Variants in BEND5 observed in about 807,000 individuals in gnomAD.
BEND5 encodes BEN domain-containing protein 5.
BEND5 carries 22 observed loss-of-function variants against 43.9 expected under a neutral mutation model. The ratio of observed to expected loss-of-function variants is 0.50; its 90% CI spans 0.36 to 0.72. The LOEUF (loss-of-function observed/expected upper bound fraction) is 0.72, where lower values mean the gene tolerates loss of function less well. Among genes scored for constraint, BEND5 ranks in the 30% least tolerant of loss-of-function variants. The pLI, the probability that BEND5 is intolerant of heterozygous loss-of-function variation, is 0.00. For missense variants in BEND5, 428 were observed against 550.6 expected (o/e 0.78, Z 2.23); for synonymous variants, 228 against 225.9 (o/e 1.01, Z -0.08).
At chr1:48,731,657 C>T (rs981230521) in intron 5 of BEND5, among the ~76,000 whole-genome samples, 2 of 152,178 alleles carry the variant, frequency 1.3e-5, no homozygotes, top group Admixed American at 6.5e-5. Flanking sequence ...GTGTTCCAGG[C>T]ATCCGGAAAA....
At chr1:48,774,846 A>G (rs1425641675) in intron 1 of BEND5, among the ~76,000 whole-genome samples, 1 of 152,220 alleles carries the variant, frequency 6.6e-6, no homozygotes, top group Non-Finnish European at 1.5e-5. Context: ...AACAATCTCC[A>G]AGAGAGGAAA....
intron 5 of BEND5, among the ~76,000 whole-genome samples, chr1:48,730,429 CTAA>C (rs1329187977): frequency 1.3e-5 from 2 of 152,186 alleles, no homozygotes; most frequent in Admixed American, 1.3e-4. Flanking sequence ...ACCAGAGAAT[CTAA>C]GAAGATTCCC....
intron 5 of BEND5, among the ~76,000 whole-genome samples, chr1:48,730,129 G>A (rs933249786): frequency 5.3e-5 from 8 of 152,060 alleles, no homozygotes; most frequent in Non-Finnish European, 7.4e-5. Flanking sequence ...CACCTGTCTC[G>A]GTTTTTCTCT....
rs4926530 is a variant in BEND5, at chr1:48,736,568, T to C, written c.895-116A>G. On this transcript the variant is annotated intron_variant, in intron 4 of 5. Coordinates refer to ENST00000371833, the MANE Select transcript of BEND5 (RefSeq NM_024603.4). The surrounding 1 kb of genome is among the most constrained non-coding windows in gnomAD (Gnocchi z 4.0). The stretch of plus-strand genomic sequence containing the variant: ...CTGTAAGAGATTCATGTCATAAATA[T>C]GAAATTAACTCTCTTTAAGGGTAAT... 627,683 of 868,642 alleles carry C rather than the reference T, an allele frequency of 0.72. 232,493 individuals are homozygous for C. The highest frequency in any genetic ancestry group is 0.78 in the Middle Eastern group (2,257 of 2,880). The allele number at this position is 868,642 out of a possible 1,614,324, so 53.8% of individuals were successfully genotyped here.
At position 48,758,961 on chromosome 1, in the gene BEND5, C is replaced by A; in HGVS notation, c.684G>T (p.Met228Ile). 6.2e-7 allele frequency: 1 copy of A among 1,603,778 alleles called. No individual in the cohort carries two copies. The highest frequency in any genetic ancestry group is 8.5e-7 in the Non-Finnish European group (1 of 1,175,626). ...TCCGGTTAAGGTCACGGAGCTCCTTCATTTCAGACACAAGTGCCCCGTACT... is the reference window on the plus strand; with the variant it reads ...TCCGGTTAAGGTCACGGAGCTCCTTAATTTCAGACACAAGTGCCCCGTACT... ...LKEYGALVSE[M>I]KELRDLNRRL... is the part of the protein sequence containing the mutation. Residue 228 changes from methionine (M) to isoleucine (I), a missense_variant, in exon 3 of 6, where the codon ATG becomes ATT. Physicochemically the swap from Met to Ile is conservative, Grantham distance 10 (BLOSUM62 1). This residue lies in a region of BEND5 where 243 missense variants were observed against 286.4 expected (regional missense o/e 0.85). Transcript: ENST00000371833.
intron 1 of BEND5, among the ~76,000 whole-genome samples, chr1:48,773,483 C>T (rs1644933155): frequency 6.6e-6 from 1 of 151,990 alleles, no homozygotes; most frequent in Admixed American, 6.6e-5. Flanking sequence ...AAGAGATAGG[C>T]GGGTGGGGGA....
At chr1:48,772,650 C>A (rs1280898845) in intron 1 of BEND5, among the ~76,000 whole-genome samples, 1 of 152,092 alleles carries the variant, frequency 6.6e-6, no homozygotes, top group African/African-American at 2.4e-5. Context: ...TAGGGAGCTA[C>A]AGAAGGTTCT....
intron 4 of BEND5, among the ~76,000 whole-genome samples, chr1:48,739,239 C>T (rs1649536482): frequency 2.0e-5 from 3 of 152,214 alleles, no homozygotes; most frequent in South Asian, 2.1e-4. Context: ...CCCTTCAACC[C>T]GCCCATCCTA....
At chr1:48,771,374 A>G (rs1460575477) in intron 1 of BEND5, among the ~76,000 whole-genome samples, 1 of 152,246 alleles carries the variant, frequency 6.6e-6, no homozygotes, top group Non-Finnish European at 1.5e-5. Flanking sequence ...GCTCTTGAAC[A>G]GCAAAACACC....
At position 48,741,796 on chromosome 1, in the gene BEND5, C is replaced by T. The variant is rs529669620; in HGVS notation, c.894+827G>A. Among the ~76,000 whole-genome samples, 7 of 152,270 alleles carry T rather than the reference C, an allele frequency of 4.6e-5. No homozygotes were observed. The South Asian group carries it at 6.2e-4, about 14-fold the overall frequency. On this transcript the variant is annotated intron_variant, in intron 4 of 5. Coordinates refer to ENST00000371833, the MANE Select transcript of BEND5 (RefSeq NM_024603.4). The stretch of plus-strand genomic sequence containing the variant: ...ATGACGCGTTAAGGAGAACGAGAGG[C>T]GATGTCTGTAATGCATGCCACAGTG...
intron 5 of BEND5, among the ~76,000 whole-genome samples, chr1:48,733,443 G>A (rs1648482088): frequency 1.3e-5 from 2 of 152,186 alleles, no homozygotes; most frequent in South Asian, 4.1e-4. Context: ...TTTCCTCTGT[G>A]AAAGAAGAGA....
At chr1:48,752,970 G>C (rs61772571) in intron 3 of BEND5, among the ~76,000 whole-genome samples, 20 of 151,914 alleles carry the variant, frequency 1.3e-4, no homozygotes, top group Admixed American at 9.2e-4. Context: ...GGATGGTCTC[G>C]ATCTCTTGAC....
chr1:48,741,209 T>G (rs188893884), intron 4 of BEND5, among the ~76,000 whole-genome samples: 1 of 152,258 alleles, frequency 6.6e-6, no homozygotes, highest in African/African-American at 2.4e-5. Flanking sequence ...AAACATAGCA[T>G]AGTCCTATCT....
chr1:48,746,433 C>A (rs1263291008), intron 3 of BEND5, among the ~76,000 whole-genome samples: 1 of 152,170 alleles, frequency 6.6e-6, no homozygotes, highest in African/African-American at 2.4e-5. Context: ...TCAAGGTTCA[C>A]GACGGTCCCC....
chr1:48,730,420 C>T (rs1010174319), intron 5 of BEND5, among the ~76,000 whole-genome samples: 4 of 152,166 alleles, frequency 2.6e-5, no homozygotes, highest in Non-Finnish European at 5.9e-5. Flanking sequence ...GCATTTCAAA[C>T]CAGAGAATCT....
In BEND5 at chr1:48,758,093, T is replaced by C. The variant is rs369881477; in HGVS notation, c.745+807A>G. On this transcript the variant is annotated intron_variant, in intron 3 of 5. Coordinates refer to ENST00000371833, the MANE Select transcript of BEND5 (RefSeq NM_024603.4). ...CTAAACCACTTTAGATCAGAAAACCTGATTAGTTAAAATAGGGTGCAATAT... is the reference window on the plus strand; with the variant it reads ...CTAAACCACTTTAGATCAGAAAACCCGATTAGTTAAAATAGGGTGCAATAT... Among the ~76,000 whole-genome samples the C allele has an allele frequency of 2.6e-5, 4 of 152,362 alleles. No homozygotes were observed. In the South Asian group the frequency reaches 8.3e-4, roughly 32 times the overall value.
At position 48,765,203 on chromosome 1, in the gene BEND5, T is replaced by C. The variant is rs938986649; in HGVS notation, c.227-3733A>G. Among the ~76,000 whole-genome samples, 5 of 152,188 alleles carry C rather than the reference T, an allele frequency of 3.3e-5. No individual in the cohort carries two copies. The East Asian group carries it at 5.8e-4, about 18-fold the overall frequency. ...CTTATCCACTGGCGTATGAGTAACC[T>C]CATCAGGGCAGGGCCCATATCATAG... On this transcript the variant is annotated intron_variant, in intron 1 of 5. Transcript: ENST00000371833.
At position 48,734,553 on chromosome 1, in the gene BEND5, C is replaced by T. The variant is rs368471169; in HGVS notation, c.1108+1686G>A. ...TTCCCAGCCCTACAAGACAGGCTCT[C>T]GCCCACCTCCCTGACCTCACTCTTC... On this transcript the variant is annotated intron_variant, in intron 5 of 5. Coordinates refer to ENST00000371833, the MANE Select transcript of BEND5 (RefSeq NM_024603.4). Among the ~76,000 whole-genome samples the T allele has an allele frequency of 5.3e-5, 8 of 152,308 alleles. No individual in the cohort carries two copies. In the East Asian group the frequency reaches 1.2e-3, roughly 22 times the overall value.
intron 1 of BEND5, among the ~76,000 whole-genome samples, chr1:48,770,513 C>T (rs1050019943): frequency 3.9e-5 from 6 of 152,130 alleles, no homozygotes; most frequent in East Asian, 3.9e-4. Context: ...TGCCCTTGCA[C>T]GCTTCTCTCA....
Sources: gnomAD v4.1 joint callset for allele counts (sites outside exome capture counted in the v4.1 genomes callset) on GRCh38, gnomAD v4.1.1 for gene constraint, gnomAD v4.1.1 regional missense constraint, Gnocchi (gnomAD v3.1) non-coding constraint, MANE v1.5 for transcripts, NCBI Gene and HGNC (gene_info 2026-07-23, HGNC 2026-07-21) for gene names.